Variants in EML2 observed in about 807,000 individuals in gnomAD.
EML2 encodes the protein EMAP like 2.
Under a neutral mutation model 84.7 loss-of-function variants are expected in EML2, and 59 were observed. That is an observed-to-expected ratio of 0.70 (90% CI 0.56 to 0.86). EML2 has a LOEUF of 0.86. EML2 is among the 40% of genes least tolerant of loss of function. The pLI, the probability that EML2 is intolerant of heterozygous loss-of-function variation, is 0.00. For synonymous variants in EML2, 352 were observed against 348.9 expected (o/e 1.01, Z -0.10); for missense variants, 818 against 855.6 (o/e 0.96, Z 0.55).
chr19:45,619,344 C>T, intron 11 of EML2, 153 bp from the exon 12 acceptor site: 2 of 958,446 alleles, frequency 2.1e-6, no homozygotes, highest in Non-Finnish European at 2.9e-6. Flanking sequence ...TGAAGGGGGC[C>T]TCAATTGGGC....
Position 45,609,559 on chromosome 19 carries a change from C to T in EML2, c.*104G>A. ...AGTCTACCCTCCCGCCCCCATAACC[C>T]CCTCTGCTATAGACATACTCTGGGT... On this transcript the variant is annotated 3_prime_UTR_variant, in exon 19 of 19. Coordinates refer to ENST00000245925, the MANE Select transcript of EML2 (RefSeq NM_012155.4). The T allele has an allele frequency of 7.9e-7, 1 of 1,266,612 alleles. No homozygotes were observed. Among genetic ancestry groups the T allele is most frequent in the Non-Finnish European group, 1.0e-6 (1 of 971,772 alleles). 78.5% of individuals were successfully genotyped at this position (1,266,612 alleles called of 1,614,324 possible).
At position 45,614,704 on chromosome 19, in the gene EML2, G is replaced by C. The variant is rs756884749; in HGVS notation, c.1598-4C>G. On this transcript the variant is annotated splice_region_variant and splice_polypyrimidine_tract_variant and intron_variant, in intron 16 of 18. Coordinates refer to ENST00000245925, the MANE Select transcript of EML2 (RefSeq NM_012155.4). The stretch of plus-strand genomic sequence containing the variant: ...TGCTTACAGGTAGCCGGGTCCCCTG[G>C]GGCAGAAAATGGGAGGAGACATTCA... 8 of 1,613,166 alleles carry C rather than the reference G, an allele frequency of 5.0e-6. No individual in the cohort carries two copies. Among genetic ancestry groups the C allele is most frequent in the Non-Finnish European group, 5.9e-6 (7 of 1,179,380 alleles).
intron 11 of EML2, chr19:45,620,690 A>G (rs998648639): frequency 5.4e-6 from 1 of 185,824 alleles, no homozygotes; most frequent in Non-Finnish European, 1.1e-5. Context: ...CCTGGGCAAC[A>G]GAGCGAGACT....
chr19:45,637,645 A>ATTTTTT (rs138008307), intron 3 of EML2, among the ~76,000 whole-genome samples: 1 of 80,176 alleles, frequency 1.2e-5, no homozygotes, highest in Admixed American at 1.3e-4. Flanking sequence ...ATGGCTGGCT[A>ATTTTTT]TTTTTTTTTT....
Position 45,630,035 on chromosome 19 carries a change from G to T in EML2, c.522C>A (p.Asn174Lys), listed in dbSNP as rs774964736. Residue 174 changes from asparagine to lysine, a missense_variant, in exon 7 of 19, where the codon AAC (asparagine) becomes AAA (lysine). Coordinates refer to ENST00000245925, the MANE Select transcript of EML2 (RefSeq NM_012155.4). ...CVGFSKSNGGNLLCAVDESND... is the reference protein window; with the variant it reads ...CVGFSKSNGGKLLCAVDESND... ...TGGATTCATCCACTGCACACAGCAG[G>T]TTGCCTCCATTCTAAAGAGGAGGAG... The T allele has an allele frequency of 5.6e-6, 9 of 1,612,302 alleles. No homozygotes were observed. In the East Asian group the frequency reaches 2.0e-4, roughly 36 times the overall value.
At chr19:45,624,421 A>G (rs1335515010) in intron 9 of EML2, among the ~76,000 whole-genome samples, 2 of 151,990 alleles carry the variant, frequency 1.3e-5, no homozygotes, top group African/African-American at 2.4e-5. Context: ...TCATCTACCC[A>G]TCCGTCCTTC....
At position 45,616,873 on chromosome 19, in the gene EML2, T is replaced by TG. The variant is rs758442869; in HGVS notation, c.1323-21dup. 1.3e-5 allele frequency: 20 copies of TG among 1,593,656 alleles called. No individual in the cohort carries two copies. The highest frequency in any genetic ancestry group is 6.6e-5 in the South Asian group (6 of 90,308). On this transcript the variant is annotated intron_variant, in intron 13 of 18. Coordinates refer to ENST00000245925, the MANE Select transcript of EML2 (RefSeq NM_012155.4). ...AGCCATCTTGAAGGAGAGGGCGTGG[T>TG]GGGGGGAGGAGGGGTGAGCTGATCT...
At chr19:45,638,429 C>A in intron 3 of EML2, 76 bp downstream of exon 3, 2 of 1,601,342 alleles carry the variant, frequency 1.2e-6, no homozygotes, top group Non-Finnish European at 1.7e-6. Flanking sequence ...AGATTACAGG[C>A]CTGAGCTGCC....
chr19:45,639,826 T>C (rs1974246203), upstream of EML2, among the ~76,000 whole-genome samples: 1 of 152,016 alleles, frequency 6.6e-6, no homozygotes, highest in African/African-American at 2.4e-5. Flanking sequence ...AAACCCCGTC[T>C]CTACTAAAAA....
Position 45,632,882 on chromosome 19 carries a change from G to A in EML2, c.489C>T (p.Cys163=). The A allele has an allele frequency of 1.9e-6, 3 of 1,614,088 alleles. No individual in the cohort carries two copies. Among genetic ancestry groups the A allele is most frequent in the Non-Finnish European group, 2.5e-6 (3 of 1,179,996 alleles). The stretch of plus-strand genomic sequence containing the variant: ...TTACAGATTTGGAGAAGCCCACACA[G>A]CACACGGCTCTGTCAAACACCCCCA... The part of the protein sequence containing the change: ...LGLGVFDRAV[C]CVGFSKSNGG... Residue 163 remains cysteine, a synonymous_variant, in exon 6 of 19, where the codon TGC becomes TGT. Transcript: ENST00000245925.
At chr19:45,616,593 C>T (rs1971105662) in intron 14 of EML2, 35 bp from the exon 15 acceptor site, 2 of 1,547,340 alleles carry the variant, frequency 1.3e-6, no homozygotes, top group Non-Finnish European at 1.8e-6. Context: ...GAGGAGGCAC[C>T]CAGGCTCCAT....
chr19:45,616,159 T>C (rs1394260014), intron 15 of EML2: 5 of 488,886 alleles, frequency 1.0e-5, no homozygotes, highest in Non-Finnish European at 1.4e-5. Context: ...ACGGAGGAGC[T>C]GGCTTTGAAT....
Position 45,619,191 on chromosome 19 carries a change from C to T in EML2, c.1123G>A (p.Gly375Ser), listed in dbSNP as rs759300337. 8 of 1,609,582 alleles carry T rather than the reference C, an allele frequency of 5.0e-6. No individual in the cohort carries two copies. Among genetic ancestry groups the T allele is most frequent in the African/African-American group, 1.3e-5 (1 of 74,778 alleles). The change falls in exon 12 of 19, where the codon GGC becomes AGC. Residue 375 changes from glycine (G) to serine (S), a missense_variant and splice_region_variant. Transcript: ENST00000245925. ...VHTGFSLLVQ[G>S]HVEELWGLAT... ...AGGCCCCACAGCTCTTCCACATGGCCCTGGTGGAAAGGGAGGACAGCAGGA... is the reference window on the plus strand; with the variant it reads ...AGGCCCCACAGCTCTTCCACATGGCTCTGGTGGAAAGGGAGGACAGCAGGA...
chr19:45,635,584 T>TTC (rs1973634554), intron 3 of EML2, among the ~76,000 whole-genome samples: 1 of 79,882 alleles, frequency 1.3e-5, no homozygotes, highest in Non-Finnish European at 2.4e-5. Context: ...GTCTGTTTCC[T>TTC]TTTTTTTTTT....
chr19:45,617,518 G>A, intron 13 of EML2, 112 bp downstream of exon 13: 1 of 942,902 alleles, frequency 1.1e-6, no homozygotes, highest in Non-Finnish European at 1.6e-6. Context: ...GAGGAATATT[G>A]AGGGATCAGG....
At chr19:45,618,118 C>A (rs1971289548) in intron 12 of EML2, among the ~76,000 whole-genome samples, 1 of 151,886 alleles carries the variant, frequency 6.6e-6, no homozygotes, top group Non-Finnish European at 1.5e-5. Flanking sequence ...GGCTGGAGTG[C>A]AGTGGCACGG....
chr19:45,618,879 G>A (rs765269886), intron 12 of EML2, 181 bp downstream of exon 12: 66 of 505,486 alleles, frequency 1.3e-4, no homozygotes, highest in African/African-American at 7.2e-4. Context: ...CCCGGGAGGC[G>A]GAGGTTGCAG....
chr19:45,627,904 A>G (rs1158823426), intron 7 of EML2, among the ~76,000 whole-genome samples: 1 of 152,048 alleles, frequency 6.6e-6, no homozygotes, highest in Non-Finnish European at 1.5e-5. Flanking sequence ...TCTACTAAAA[A>G]TACAAAATTA....
Position 45,616,456 on chromosome 19 carries a change from C to A in EML2, c.1509+5G>T. On this transcript the variant is annotated splice_donor_5th_base_variant and intron_variant, in intron 15 of 18. Coordinates refer to ENST00000245925, the MANE Select transcript of EML2 (RefSeq NM_012155.4). Reference sequence around the variant, plus strand: ...GGCGCGGGCTGGGGGCCACTGCCCACTCACCGAGCACTTGCCCAGGCGGCT... The same window carrying A: ...GGCGCGGGCTGGGGGCCACTGCCCAATCACCGAGCACTTGCCCAGGCGGCT... 6.3e-7 allele frequency: 1 copy of A among 1,580,182 alleles called. No individual in the cohort carries two copies. Among genetic ancestry groups the A allele is most frequent in the Non-Finnish European group, 8.6e-7 (1 of 1,157,358 alleles).
Sources: gnomAD v4.1 joint callset for allele counts (sites outside exome capture counted in the v4.1 genomes callset) on GRCh38, gnomAD v4.1.1 for gene constraint, MANE v1.5 for transcripts, NCBI Gene and HGNC (gene_info 2026-07-23, HGNC 2026-07-21) for gene names.